Variants in FILIP1 observed in about 807,000 individuals in gnomAD.
The protein encoded by FILIP1 is filamin A interacting protein 1.
FILIP1 carries 61 observed loss-of-function variants against 102.1 expected under a neutral mutation model. The ratio of observed to expected loss-of-function variants is 0.60; its 90% CI spans 0.49 to 0.74. The LOEUF (loss-of-function observed/expected upper bound fraction) is 0.74. Among genes scored for constraint, FILIP1 ranks in the 30% least tolerant of loss-of-function variants. The pLI is 0.00. For synonymous variants in FILIP1, 491 were observed against 526.9 expected (o/e 0.93, Z 0.93); for missense variants, 1,314 against 1,441.2 (o/e 0.91, Z 1.43).
chr6:75,416,530 A>G (rs1340021566), intron 1 of FILIP1, among the ~76,000 whole-genome samples: 1 of 151,470 alleles, frequency 6.6e-6, no homozygotes, highest in Non-Finnish European at 1.5e-5. Context: ...GAACAAACCT[A>G]CTGTATTTTA....
At chr6:75,476,240 CAAAA>C (rs66500271) in intron 1 of FILIP1, among the ~76,000 whole-genome samples, 5,690 of 122,648 alleles carry the variant, frequency 0.046, 156 homozygotes, top group Non-Finnish European at 0.063. Flanking sequence ...GACTCCATCT[CAAAA>C]AAAAAAAAAA....
intron 4 of FILIP1, among the ~76,000 whole-genome samples, chr6:75,329,593 T>C (rs554772837): frequency 6.6e-6 from 1 of 152,254 alleles, no homozygotes; most frequent in African/African-American, 2.4e-5. Flanking sequence ...AAGGGCATGA[T>C]AGTAATTAAA....
At chr6:75,335,820 T>C (rs1774223735) in intron 4 of FILIP1, among the ~76,000 whole-genome samples, 1 of 152,116 alleles carries the variant, frequency 6.6e-6, no homozygotes, top group Admixed American at 6.6e-5. Context: ...GAAAAGAATA[T>C]GAAAAAAAAT....
At chr6:75,319,262 T>C in intron 4 of FILIP1, 2 of 689,000 alleles carry the variant, frequency 2.9e-6, no homozygotes, top group South Asian at 2.8e-5. Context: ...GCAACAGTAT[T>C]ATTTCACACC....
chr6:75,409,084 C>A (rs765810097), intron 2 of FILIP1, among the ~76,000 whole-genome samples: 3 of 152,176 alleles, frequency 2.0e-5, no homozygotes, highest in African/African-American at 7.2e-5. Flanking sequence ...TAGCTTCAGC[C>A]TGTGAGTTTA....
intron 1 of FILIP1, among the ~76,000 whole-genome samples, chr6:75,463,192 A>G (rs1352353574): frequency 2.6e-5 from 4 of 152,192 alleles, no homozygotes. Flanking sequence ...TGCTGCTCTC[A>G]GCGCACAAAG....
intron 3 of FILIP1, among the ~76,000 whole-genome samples, chr6:75,360,450 T>C (rs978211562): frequency 6.6e-6 from 1 of 151,962 alleles, no homozygotes; most frequent in South Asian, 2.1e-4. Flanking sequence ...TGAGTCCAGG[T>C]TTTTTTTACT....
chr6:75,319,838 A>AG lies in FILIP1; in HGVS notation c.630-4637_630-4636insC, dbSNP rs1459864367. 90 of 425,016 alleles carry AG rather than the reference A, an allele frequency of 2.1e-4. 1 individual carries two copies. Among genetic ancestry groups the AG allele is most frequent in the Admixed American group, 2.9e-4 (9 of 31,502 alleles). 26.3% of individuals were successfully genotyped at this position (425,016 alleles called of 1,614,324 possible). ...GAGCAAGACTCCGTCCCCCAAAAAA[A>AG]AAAAGAAAAGAAAAGAAAACTCTGA... On this transcript the variant is annotated intron_variant, in intron 4 of 5. Transcript: ENST00000237172.
chr6:75,470,981 C>T (rs115967871), intron 1 of FILIP1, among the ~76,000 whole-genome samples: 2,139 of 151,768 alleles, frequency 0.014, 46 homozygotes, highest in African/African-American at 0.049. Flanking sequence ...GGCCACATGG[C>T]AAAACCCATC....
intron 2 of FILIP1, chr6:75,398,759 A>G (rs1026838863): frequency 2.0e-5 from 3 of 152,228 alleles, no homozygotes; most frequent in Admixed American, 1.3e-4. Flanking sequence ...TCTACATTTT[A>G]TTCTTAAAAA....
chr6:75,481,759 T>A (rs989103899), intron 1 of FILIP1, among the ~76,000 whole-genome samples: 1 of 152,186 alleles, frequency 6.6e-6, no homozygotes, highest in Non-Finnish European at 1.5e-5. Context: ...GGACACATTC[T>A]TTAAGATGAG....
At chr6:75,458,811 G>A (rs987126854) in intron 1 of FILIP1, 3 of 152,118 alleles carry the variant, frequency 2.0e-5, no homozygotes, top group African/African-American at 7.2e-5. Context: ...TAAATTGTTT[G>A]AGTCTTTAGG....
chr6:75,312,272 A>G, intron 5 of FILIP1, 125 bp downstream of exon 5: 1 of 911,568 alleles, frequency 1.1e-6, no homozygotes, highest in South Asian at 1.7e-5. Context: ...TCTGGGAAGC[A>G]TCTGTTGGTG....
chr6:75,390,152 C>T (rs777250713), intron 2 of FILIP1, among the ~76,000 whole-genome samples: 5 of 152,156 alleles, frequency 3.3e-5, no homozygotes, highest in Non-Finnish European at 7.3e-5. Context: ...GAGGACATTA[C>T]TTGCCCAACA....
chr6:75,315,168 G>C lies in FILIP1; in HGVS notation c.664C>G (p.Gln222Glu), dbSNP rs1211189794. 1 of 1,574,348 alleles carries C rather than the reference G, an allele frequency of 6.4e-7. No homozygotes were observed. Among genetic ancestry groups the C allele is most frequent in the Admixed American group, 2.0e-5 (1 of 50,308 alleles). Residue 222 changes from glutamine to glutamate, a missense_variant, in exon 5 of 6, where the codon CAA (glutamine) becomes GAA (glutamate). By Grantham distance (29) the Gln-to-Glu change is conservative. Around this residue, in one of 3 missense-constraint regions of FILIP1, gnomAD observed 494 missense variants for 511.2 expected, o/e 0.97. Transcript: ENST00000237172. Reference sequence around the variant, plus strand: ...GCATTTTCCTTTTCTTTGCGGGCTTGATAAGCCTTTTCTTGTTCAAGGAGC... The same window carrying C: ...GCATTTTCCTTTTCTTTGCGGGCTTCATAAGCCTTTTCTTGTTCAAGGAGC... ...KKLLEQEKAYQARKEKENAKR... is the reference protein window; with the variant it reads ...KKLLEQEKAYEARKEKENAKR...
chr6:75,405,332 A>G (rs1217956391), intron 2 of FILIP1, among the ~76,000 whole-genome samples: 5 of 152,192 alleles, frequency 3.3e-5, no homozygotes, highest in African/African-American at 1.2e-4. Flanking sequence ...TGTGCCACAC[A>G]ATTAATTTCC....
intron 1 of FILIP1, among the ~76,000 whole-genome samples, chr6:75,452,154 A>C (rs1778654162): frequency 6.6e-6 from 1 of 151,480 alleles, no homozygotes; most frequent in Non-Finnish European, 1.5e-5. Context: ...ACATGTGCAC[A>C]ACCTGCAGGT....
Position 75,476,140 on chromosome 6 carries a change from C to T in FILIP1, c.-7+17274G>A, listed in dbSNP as rs907442030. On this transcript the variant is annotated intron_variant, in intron 1 of 5. Transcript: ENST00000237172. The stretch of plus-strand genomic sequence containing the variant: ...CCTATAATCCCAGCTACTCAGGAGG[C>T]GGAGGCAGGAGAATGACTTAAACCT... Among the ~76,000 whole-genome samples, 15 of 150,854 alleles carry T rather than the reference C, an allele frequency of 9.9e-5. 1 individual carries two copies. The South Asian group carries it at 1.7e-3, about 17-fold the overall frequency.
At chr6:75,410,188 C>G (rs1242581861) in intron 2 of FILIP1, among the ~76,000 whole-genome samples, 1 of 152,060 alleles carries the variant, frequency 6.6e-6, no homozygotes, top group Non-Finnish European at 1.5e-5. Flanking sequence ...AAAGAGAGAG[C>G]AATAGGTGGT....
Sources: allele counts gnomAD v4.1 joint callset (sites outside exome capture counted in the v4.1 genomes callset), GRCh38; gene constraint gnomAD v4.1.1; regional missense constraint gnomAD v4.1.1; transcripts MANE v1.5; gene names NCBI Gene and HGNC (gene_info 2026-07-23, HGNC 2026-07-21).